KLRG1: variants seen among roughly 807,000 people sequenced by gnomAD.
The protein encoded by KLRG1 is killer cell lectin like receptor G1.
A neutral mutation model predicts 21.8 loss-of-function variants in KLRG1; 16 were observed. The ratio of observed to expected loss-of-function variants is 0.73; its 90% CI spans 0.50 to 1.11. The LOEUF is 1.11. Ranked by LOEUF, KLRG1 falls within the 50% of genes most tolerant of loss-of-function variation. KLRG1 has a pLI of 0.00. For missense variants in KLRG1, 173 were observed against 218.3 expected (o/e 0.79, Z 1.31); for synonymous variants, 69 against 75.9 (o/e 0.91, Z 0.47).
At chr12:9,171,100 C>T in the KLRG1 span, among the ~76,000 whole-genome samples, 73 of 152,328 alleles carry the variant, frequency 4.8e-4, no homozygotes, top group African/African-American at 1.7e-3. Context: ...TGCATGTGGG[C>T]TGGCAACAAG....
At chr12:9,115,910 A>G in the KLRG1 span, 8 of 1,415,206 alleles carry the variant, frequency 5.7e-6, no homozygotes, top group African/African-American at 1.4e-5. Flanking sequence ...CCTACAATCC[A>G]TCTGGTCCCA....
chr12:9,112,243 A>T, the KLRG1 span: 13 of 1,613,560 alleles, frequency 8.1e-6, no homozygotes, highest in Non-Finnish European at 1.1e-5. Context: ...TGAGCCCCCA[A>T]ACCCAAAGTA....
At chr12:9,164,199 C>G in the KLRG1 span, 1 of 1,609,638 alleles carries the variant, frequency 6.2e-7, no homozygotes, top group African/African-American at 1.3e-5. Flanking sequence ...CAATAGGATT[C>G]TTCTCCCTTT....
the KLRG1 span, among the ~76,000 whole-genome samples, chr12:9,037,650 A>G: frequency 2.6e-5 from 4 of 152,314 alleles, no homozygotes; most frequent in African/African-American, 7.2e-5. Context: ...AGCAACTTCC[A>G]GTCCTGCAAA....
chr12:9,060,651 CA>C, the KLRG1 span, among the ~76,000 whole-genome samples: 73 of 151,908 alleles, frequency 4.8e-4, no homozygotes, highest in Non-Finnish European at 9.4e-4. Context: ...AAAACGAAAA[CA>C]AAAAACAAAA....
the KLRG1 span, chr12:9,192,228 G>C: frequency 2.2e-4 from 351 of 1,614,050 alleles, no homozygotes; most frequent in African/African-American, 3.9e-3. Context: ...GTGGGTTCCA[G>C]ATCTGACGAT....
chr12:9,089,775 A>G, the KLRG1 span: 1 of 725,540 alleles, frequency 1.4e-6, no homozygotes, highest in Non-Finnish European at 1.9e-6. Context: ...CAAAACAGAA[A>G]GTAAATCAAG....
chr12:9,087,153 G>A, the KLRG1 span, among the ~76,000 whole-genome samples: 1 of 152,002 alleles, frequency 6.6e-6, no homozygotes, highest in Admixed American at 6.5e-5. Flanking sequence ...AAAATACAAT[G>A]TTCATGGATT....
the KLRG1 span, chr12:9,115,782 G>A: frequency 2.5e-6 from 4 of 1,613,200 alleles, no homozygotes; most frequent in Admixed American, 3.3e-5. Flanking sequence ...AGAGACTGAG[G>A]CGTCTGTGGG....
the KLRG1 span, among the ~76,000 whole-genome samples, chr12:9,163,175 A>T: frequency 6.6e-6 from 1 of 151,906 alleles, no homozygotes; most frequent in Non-Finnish European, 1.5e-5. Flanking sequence ...AGAGGTGGAG[A>T]TCAAGAAATT....
At chr12:9,044,109 G>A in the KLRG1 span, among the ~76,000 whole-genome samples, 2 of 152,180 alleles carry the variant, frequency 1.3e-5, no homozygotes, top group East Asian at 3.8e-4. Flanking sequence ...AGATTTTGGG[G>A]TGGTTTTTTA....
the KLRG1 span, chr12:9,128,227 C>G: frequency 1.1e-5 from 2 of 189,856 alleles, no homozygotes; most frequent in African/African-American, 4.7e-5. Flanking sequence ...TTGCCAAGAT[C>G]CCGGGCAACA....
the KLRG1 span, chr12:9,169,350 A>C: frequency 7.7e-7 from 1 of 1,298,936 alleles, no homozygotes; most frequent in Non-Finnish European, 1.0e-6. Flanking sequence ...CATAATTACT[A>C]AGATTATGAA....
chr12:9,049,974 A>G, the KLRG1 span, among the ~76,000 whole-genome samples: 3 of 152,202 alleles, frequency 2.0e-5, no homozygotes, highest in Non-Finnish European at 4.4e-5. Context: ...ACTTCAAATC[A>G]AGATGCATAA....
chr12:9,081,499 C>A, the KLRG1 span, among the ~76,000 whole-genome samples: 2 of 152,214 alleles, frequency 1.3e-5, no homozygotes, highest in Non-Finnish European at 2.9e-5. Flanking sequence ...GAAAGTCCAA[C>A]TAGCTGCTAT....
At chr12:8,965,035 C>T (rs756547960) in intron 1 of KLRG1, among the ~76,000 whole-genome samples, 40 of 152,212 alleles carry the variant, frequency 2.6e-4, no homozygotes, top group South Asian at 8.3e-4. Flanking sequence ...GTTCAACATA[C>T]GCAAATCAAT....
intron 1 of KLRG1, among the ~76,000 whole-genome samples, chr12:8,962,468 C>A (rs1473666605): frequency 6.6e-6 from 1 of 151,872 alleles, no homozygotes; most frequent in African/African-American, 2.4e-5. Flanking sequence ...AATCCCAGAA[C>A]TTTGGGAGGC....
At position 8,974,561 on chromosome 12, in the gene KLRG1, T is replaced by C. The variant is rs1054987127; in HGVS notation, c.-155-17645T>C. 4.7e-4 allele frequency among the ~76,000 whole-genome samples: 71 copies of C among 152,190 alleles called. 3 individuals carry two copies. The highest frequency in any genetic ancestry group is 4.4e-5 in the Non-Finnish European group (3 of 68,032). Reference sequence around the variant, plus strand: ...GGTACATTCTCTCTATACCCATTTTTTGAGAATGTACATTATGAATGAATG... The same window carrying C: ...GGTACATTCTCTCTATACCCATTTTCTGAGAATGTACATTATGAATGAATG... On this transcript the variant is annotated intron_variant, in intron 1 of 4. Transcript: ENST00000539240.
the KLRG1 span, chr12:9,162,264 C>T: frequency 4.7e-6 from 1 of 212,942 alleles, no homozygotes; most frequent in Non-Finnish European, 9.2e-6. Flanking sequence ...ACCCGGCTAA[C>T]CCTGCTCTCT....
Sources: allele counts gnomAD v4.1 joint callset (sites outside exome capture counted in the v4.1 genomes callset), GRCh38; gene constraint gnomAD v4.1.1; transcripts MANE v1.5; gene names NCBI Gene and HGNC (gene_info 2026-07-23, HGNC 2026-07-21).